RAB38: variants seen among roughly 807,000 people sequenced by gnomAD.
The protein encoded by RAB38 is RAB38, member RAS oncogene family, also known as ras-related protein Rab-38.
In RAB38, 15 loss-of-function variants were observed where a neutral mutation model predicts 18.4. The ratio of observed to expected loss-of-function variants is 0.82; its 90% CI spans 0.55 to 1.26. RAB38 has a LOEUF of 1.26. Ranked by LOEUF, RAB38 falls within the 50% of genes most tolerant of loss-of-function variation. RAB38 has a pLI of 0.00. For missense variants in RAB38, 294 were observed against 267.4 expected, an observed-to-expected ratio of 1.10 and a Z score of -0.69; for synonymous variants, 101 against 104.4, an observed-to-expected ratio of 0.97 and a Z score of 0.20.
At chr11:88,157,231 G>A (rs186967511) in intron 1 of RAB38, among the ~76,000 whole-genome samples, 22 of 152,264 alleles carry the variant, frequency 1.4e-4, no homozygotes. Context: ...ACTGGCAACA[G>A]TCAAATAGGA....
intron 2 of RAB38, among the ~76,000 whole-genome samples, chr11:88,130,038 T>G (rs536766290): frequency 6.6e-6 from 1 of 152,186 alleles, no homozygotes; most frequent in African/African-American, 2.4e-5. Context: ...AGCAGCACAT[T>G]TGGAAGTATT....
the RAB38 span, among the ~76,000 whole-genome samples, chr11:88,028,094 C>T: frequency 7.0e-3 from 1,069 of 152,318 alleles, 5 homozygotes; most frequent in Non-Finnish European, 0.012. Context: ...TCTGCAGACA[C>T]CGCTGCTGAT....
the RAB38 span, among the ~76,000 whole-genome samples, chr11:87,939,962 A>G: frequency 6.6e-6 from 1 of 152,190 alleles, no homozygotes; most frequent in African/African-American, 2.4e-5. Context: ...CTAGAAAAAG[A>G]AGAGCAAATT....
At chr11:88,123,250 G>A (rs1565209890) in intron 2 of RAB38, among the ~76,000 whole-genome samples, 1 of 152,118 alleles carries the variant, frequency 6.6e-6, no homozygotes, top group Non-Finnish European at 1.5e-5. Context: ...ACTGGACTGG[G>A]AGCTTCCAGG....
chr11:88,009,573 T>G, the RAB38 span, among the ~76,000 whole-genome samples: 1 of 152,210 alleles, frequency 6.6e-6, no homozygotes, highest in Admixed American at 6.5e-5. Flanking sequence ...GAAGGAGTTA[T>G]GCGGTGAGTT....
chr11:87,809,075 CAGAA>C, the RAB38 span, among the ~76,000 whole-genome samples: 10,898 of 152,002 alleles, frequency 0.072, 454 homozygotes, highest in African/African-American at 0.11. Flanking sequence ...GCATGACAAA[CAGAA>C]AGCACATAAT....
the RAB38 span, among the ~76,000 whole-genome samples, chr11:87,950,566 T>A: frequency 6.6e-6 from 1 of 152,208 alleles, no homozygotes; most frequent in Admixed American, 6.5e-5. Flanking sequence ...CAGGAGCTCT[T>A]TTAAGGCAGG....
At chr11:88,028,895 C>A in the RAB38 span, among the ~76,000 whole-genome samples, 3 of 152,138 alleles carry the variant, frequency 2.0e-5, no homozygotes, top group Non-Finnish European at 4.4e-5. Flanking sequence ...AAAGATACTC[C>A]TCGAGAAGAG....
chr11:87,882,735 T>A, the RAB38 span, among the ~76,000 whole-genome samples: 2 of 151,876 alleles, frequency 1.3e-5, no homozygotes, highest in Non-Finnish European at 2.9e-5. Flanking sequence ...CACTTTTTGT[T>A]GTCGGCAGTA....
At chr11:88,071,954 G>C in the RAB38 span, among the ~76,000 whole-genome samples, 1 of 152,172 alleles carries the variant, frequency 6.6e-6, no homozygotes, top group African/African-American at 2.4e-5. Flanking sequence ...CCTCACAGGA[G>C]AGGCATGCCC....
the RAB38 span, among the ~76,000 whole-genome samples, chr11:87,968,625 G>A: frequency 1.3e-5 from 2 of 152,194 alleles, no homozygotes; most frequent in East Asian, 1.9e-4. Context: ...TTGCACGACA[G>A]TGGAGTTCAA....
At chr11:87,837,154 G>A in the RAB38 span, among the ~76,000 whole-genome samples, 8 of 152,060 alleles carry the variant, frequency 5.3e-5, no homozygotes, top group Non-Finnish European at 8.8e-5. Context: ...ATTTTGTAAC[G>A]CCATTCTCTT....
chr11:87,921,917 T>G, the RAB38 span, among the ~76,000 whole-genome samples: 2 of 151,848 alleles, frequency 1.3e-5, no homozygotes, highest in Non-Finnish European at 2.9e-5. Flanking sequence ...CACATGAGCA[T>G]AGGACTGTAC....
At chr11:87,872,590 A>G in the RAB38 span, among the ~76,000 whole-genome samples, 1 of 151,546 alleles carries the variant, frequency 6.6e-6, no homozygotes, top group African/African-American at 2.4e-5. Flanking sequence ...CCCCTGTGCT[A>G]TACCTATTCA....
At chr11:88,074,173 G>A in the RAB38 span, among the ~76,000 whole-genome samples, 1 of 152,006 alleles carries the variant, frequency 6.6e-6, no homozygotes, top group Admixed American at 6.6e-5. Flanking sequence ...TTGGTAAAAG[G>A]AAGTGCTAAA....
At chr11:88,085,570 G>A in the RAB38 span, among the ~76,000 whole-genome samples, 2 of 151,754 alleles carry the variant, frequency 1.3e-5, no homozygotes, top group Non-Finnish European at 2.9e-5. Flanking sequence ...CTAACTATGA[G>A]TTATATTTTT....
the RAB38 span, among the ~76,000 whole-genome samples, chr11:87,936,235 T>A: frequency 8.5e-5 from 13 of 152,076 alleles, no homozygotes; most frequent in Non-Finnish European, 1.8e-4. Flanking sequence ...TTACAAGATT[T>A]TTTCTTATGT....
At chr11:88,157,995 G>T (rs1418595893) in intron 1 of RAB38, among the ~76,000 whole-genome samples, 1 of 151,950 alleles carries the variant, frequency 6.6e-6, no homozygotes, top group African/African-American at 2.4e-5. Flanking sequence ...GCAAATGTCG[G>T]TTCTTTGAAA....
At chr11:87,911,629 A>G in the RAB38 span, among the ~76,000 whole-genome samples, 1 of 152,090 alleles carries the variant, frequency 6.6e-6, no homozygotes, top group Admixed American at 6.5e-5. Flanking sequence ...AAGATTCCAT[A>G]GGATTTTCAA....
Sources: gnomAD v4.1 joint callset for allele counts (sites outside exome capture counted in the v4.1 genomes callset) on GRCh38, gnomAD v4.1.1 for gene constraint, MANE v1.5 for transcripts, NCBI Gene and HGNC (gene_info 2026-07-23, HGNC 2026-07-21) for gene names.